AACS: variants seen among roughly 807,000 people sequenced by gnomAD.
The protein encoded by AACS is acetoacetyl-CoA synthetase, also known as acetoacetate-CoA ligase.
Under a neutral mutation model 83.1 loss-of-function variants are expected in AACS, and 69 were observed. The ratio of observed to expected loss-of-function variants is 0.83; its 90% CI spans 0.68 to 1.01. The LOEUF (loss-of-function observed/expected upper bound fraction) is 1.01. AACS is among the 50% of genes least tolerant of loss of function. The pLI is 0.00. For synonymous variants in AACS, 333 were observed against 343.4 expected, an observed-to-expected ratio of 0.97 and a Z score of 0.33; for missense variants, 866 against 882.2, an observed-to-expected ratio of 0.98 and a Z score of 0.23.
At chr12:125,127,122 A>C (rs1314822841) in intron 12 of AACS, 1 of 151,884 alleles carries the variant, frequency 6.6e-6, no homozygotes, top group Non-Finnish European at 1.5e-5. Context: ...CCTGGGCAAC[A>C]AGAGTGAAAC....
chr12:125,127,992 C>G (rs1593003443), intron 12 of AACS, 169 bp from the exon 13 acceptor site: 1 of 467,238 alleles, frequency 2.1e-6, no homozygotes, highest in East Asian at 3.4e-5. Context: ...TCCATATCAC[C>G]TCTCCCACTG....
intron 5 of AACS, among the ~76,000 whole-genome samples, chr12:125,096,130 A>G (rs1956601826): frequency 6.6e-6 from 1 of 152,056 alleles, no homozygotes; most frequent in African/African-American, 2.4e-5. Flanking sequence ...ATATCCAGCT[A>G]ATTTTTTGTA....
chr12:125,128,382 G>A (rs981805182), intron 13 of AACS, 108 bp downstream of exon 13: 31 of 966,684 alleles, frequency 3.2e-5, no homozygotes, highest in Middle Eastern at 3.3e-4. Context: ...AACAGCCCTC[G>A]GAGGGGAGGC....
rs551023349 is a variant in AACS at position 125,097,474 on chromosome 12, C to T, written c.571-5205C>T. Among the ~76,000 whole-genome samples the T allele has an allele frequency of 6.6e-5, 10 of 150,698 alleles. No individual in the cohort carries two copies. Among genetic ancestry groups the T allele is most frequent in the South Asian group, 6.3e-4 (3 of 4,744 alleles). On this transcript the variant is annotated intron_variant, in intron 5 of 17. Coordinates refer to ENST00000316519, the MANE Select transcript of AACS (RefSeq NM_023928.5). The surrounding 1 kb of genome is among the most constrained non-coding windows in gnomAD (Gnocchi z 4.3). The stretch of plus-strand genomic sequence containing the variant: ...AAGTGCGTTGGGGCAGCTCCAAGGG[C>T]GTCTCTGTAATAATGTCACAGTCAT...
At chr12:125,073,041 C>T (rs537529576) in intron 1 of AACS, among the ~76,000 whole-genome samples, 1 of 150,804 alleles carries the variant, frequency 6.6e-6, no homozygotes, top group East Asian at 2.0e-4. Flanking sequence ...AGTTCTCTGC[C>T]TCAGCCTCCC....
At chr12:125,073,831 C>T (rs1955943573) in intron 1 of AACS, 45 bp from the exon 2 acceptor site, 4 of 1,530,108 alleles carry the variant, frequency 2.6e-6, no homozygotes, top group Non-Finnish European at 3.6e-6. Context: ...TAATGGATTG[C>T]CAAGATTTCC....
chr12:125,098,875 AT>A (rs1956666261), intron 5 of AACS, among the ~76,000 whole-genome samples: 1 of 152,106 alleles, frequency 6.6e-6, no homozygotes, highest in Non-Finnish European at 1.5e-5. Flanking sequence ...ACTTTCACAG[AT>A]TTTGTGTGCA....
chr12:125,084,634 A>G (rs112705043), intron 3 of AACS, among the ~76,000 whole-genome samples: 8 of 150,774 alleles, frequency 5.3e-5, no homozygotes, highest in African/African-American at 2.0e-4. Context: ...GCTGGAGTGC[A>G]GTGGTGTGAT....
At chr12:125,069,816 C>T (rs1029275767) in intron 1 of AACS, among the ~76,000 whole-genome samples, 11 of 152,180 alleles carry the variant, frequency 7.2e-5, no homozygotes, top group African/African-American at 1.7e-4. Flanking sequence ...CAAATAGCTC[C>T]GGGTGGCTAG....
intron 14 of AACS, among the ~76,000 whole-genome samples, chr12:125,132,242 G>C (rs1239720514): frequency 6.6e-6 from 1 of 152,162 alleles, no homozygotes; most frequent in African/African-American, 2.4e-5. Context: ...AAGTGTGTCG[G>C]GGAAGTTTTC....
chr12:125,128,172 A>G lies in AACS; in HGVS notation c.1321A>G (p.Ile441Val), dbSNP rs761419269. ...GCCATTGCTTGCAGGAGGCACCGACATCATCTCCTGCTTCATGGGCCACAA... is the reference window on the plus strand; with the variant it reads ...GCCATTGCTTGCAGGAGGCACCGACGTCATCTCCTGCTTCATGGGCCACAA... ...LLGSISGGTD[I>V]ISCFMGHNFS... Residue 441 changes from isoleucine (I) to valine (V), a missense_variant, in exon 13 of 18, where the codon ATC (isoleucine) becomes GTC (valine). Transcript: ENST00000316519. The G allele has an allele frequency of 1.2e-6, 2 of 1,610,686 alleles. No homozygotes were observed. Among genetic ancestry groups the G allele is most frequent in the South Asian group, 1.1e-5 (1 of 90,680 alleles).
Position 125,094,373 on chromosome 12 carries a change from A to G in AACS, c.570+2850A>G, listed in dbSNP as rs541861686. ...TATATTTCTTTGAATCTCAGAGAAT[A>G]TCGTAAAGGGAAATTGCCACTCTCC... On this transcript the variant is annotated intron_variant, in intron 5 of 17. Coordinates refer to ENST00000316519, the MANE Select transcript of AACS (RefSeq NM_023928.5). The surrounding 1 kb of genome is among the most constrained non-coding windows in gnomAD (Gnocchi z 4.1). Among the ~76,000 whole-genome samples the G allele has an allele frequency of 1.4e-4, 22 of 152,280 alleles. No individual in the cohort carries two copies. Among genetic ancestry groups the G allele is most frequent in the Middle Eastern group, 3.4e-3 (1 of 294 alleles).
chr12:125,079,626 C>A (rs574530982), intron 3 of AACS, among the ~76,000 whole-genome samples: 3 of 152,094 alleles, frequency 2.0e-5, no homozygotes, highest in Non-Finnish European at 4.4e-5. Context: ...TGGGCTCAAG[C>A]AATTCACCTG....
intron 1 of AACS, among the ~76,000 whole-genome samples, chr12:125,072,219 G>A (rs1264880757): frequency 6.6e-6 from 1 of 151,642 alleles, no homozygotes; most frequent in Admixed American, 6.6e-5. Context: ...GTGCAGTGGT[G>A]GGATCATAGC....
intron 10 of AACS, chr12:125,123,034 C>T (rs1462010880): frequency 6.6e-6 from 1 of 152,266 alleles, no homozygotes; most frequent in African/African-American, 2.4e-5. Flanking sequence ...ACAAGCAGGA[C>T]TGTGACTCAC....
intron 10 of AACS, chr12:125,121,299 G>C (rs1171022691): frequency 3.3e-5 from 5 of 152,490 alleles, no homozygotes; most frequent in African/African-American, 1.2e-4. Context: ...GCTGGGCGGG[G>C]CAGGACACTT....
At position 125,113,129 on chromosome 12, in the gene AACS, G is replaced by T. The variant is rs186429506; in HGVS notation, c.916-1348G>T. Among the ~76,000 whole-genome samples, 1 of 152,210 alleles carries T rather than the reference G, an allele frequency of 6.6e-6. No individual in the cohort carries two copies. Among genetic ancestry groups the T allele is most frequent in the African/African-American group, 2.4e-5 (1 of 41,450 alleles). On this transcript the variant is annotated intron_variant, in intron 8 of 17. Coordinates refer to ENST00000316519, the MANE Select transcript of AACS (RefSeq NM_023928.5). The surrounding 1 kb of genome is among the most constrained non-coding windows in gnomAD (Gnocchi z 4.8). ...CGGTTGCCTGTTTGGGATGGACTCC[G>T]GAATAGGAGTTTTGGCTCCTGAATG...
chr12:125,104,317 G>A (rs971729913), intron 7 of AACS, among the ~76,000 whole-genome samples: 23 of 152,344 alleles, frequency 1.5e-4, no homozygotes, highest in African/African-American at 5.0e-4. Context: ...GTGGAAGAGA[G>A]GAGGAGATGG....
At chr12:125,133,338 G>C (rs536153305) in intron 14 of AACS, among the ~76,000 whole-genome samples, 2 of 152,202 alleles carry the variant, frequency 1.3e-5, no homozygotes, top group Non-Finnish European at 2.9e-5. Context: ...TGGTCCATCA[G>C]CTTCATGGTG....
Sources: allele counts gnomAD v4.1 joint callset (sites outside exome capture counted in the v4.1 genomes callset), GRCh38; gene constraint gnomAD v4.1.1; non-coding constraint Gnocchi (gnomAD v3.1); transcripts MANE v1.5; gene names NCBI Gene and HGNC (gene_info 2026-07-23, HGNC 2026-07-21).